PPP3CA: variants seen among roughly 807,000 people sequenced by gnomAD.
The protein encoded by PPP3CA is protein phosphatase 3 catalytic subunit alpha.
A neutral mutation model predicts 66.5 loss-of-function variants in PPP3CA; 14 were observed. The observed-to-expected ratio is 0.21, with a 90% CI of 0.14 to 0.33. The LOEUF is 0.33. PPP3CA is among the 10% of genes least tolerant of loss of function. The pLI is 1.00. For synonymous variants in PPP3CA, 232 were observed against 226.2 expected (o/e 1.03, Z -0.23); for missense variants, 317 against 639.5 (o/e 0.50, Z 5.44).
intron 1 of PPP3CA, among the ~76,000 whole-genome samples, chr4:101,212,062 A>C (rs1725314637): frequency 6.6e-6 from 1 of 152,170 alleles, no homozygotes; most frequent in Non-Finnish European, 1.5e-5. Context: ...GTGAAGTATG[A>C]ATTCAAATTT....
intron 3 of PPP3CA, among the ~76,000 whole-genome samples, chr4:101,103,525 C>G (rs1417924910): frequency 6.6e-6 from 1 of 152,226 alleles, no homozygotes; most frequent in Non-Finnish European, 1.5e-5. Flanking sequence ...TGGCATTACT[C>G]TGTCACCTAA....
At chr4:101,257,330 C>CT (rs11314056) in intron 1 of PPP3CA, among the ~76,000 whole-genome samples, 1,424 of 138,566 alleles carry the variant, frequency 0.01, 10 homozygotes, top group African/African-American at 0.021. Context: ...ATGTATGAGA[C>CT]TTTTTTTTTT....
At chr4:101,324,158 A>G (rs111513804) in intron 1 of PPP3CA, among the ~76,000 whole-genome samples, 2,204 of 50,994 alleles carry the variant, frequency 0.043, 117 homozygotes, top group African/African-American at 0.12. Context: ...GGGAGGGAGG[A>G]AGGAAGGAAG....
At chr4:101,240,352 T>C (rs1246295206) in intron 1 of PPP3CA, among the ~76,000 whole-genome samples, 1 of 152,128 alleles carries the variant, frequency 6.6e-6, no homozygotes, top group Non-Finnish European at 1.5e-5. Context: ...CTCTTTGCAA[T>C]GAATAAATTT....
intron 1 of PPP3CA, among the ~76,000 whole-genome samples, chr4:101,207,137 T>A (rs796121311): frequency 2.6e-5 from 4 of 152,338 alleles, no homozygotes; most frequent in African/African-American, 9.6e-5. Flanking sequence ...TTATTTATGA[T>A]GCAAAATTAT....
At chr4:101,321,212 C>T (rs547140118) in intron 1 of PPP3CA, among the ~76,000 whole-genome samples, 1 of 152,210 alleles carries the variant, frequency 6.6e-6, no homozygotes, top group Non-Finnish European at 1.5e-5. Context: ...TAAACAAACT[C>T]AAGGATAGAT....
intron 1 of PPP3CA, among the ~76,000 whole-genome samples, chr4:101,217,642 T>C (rs1386574653): frequency 6.6e-6 from 1 of 152,164 alleles, no homozygotes; most frequent in Non-Finnish European, 1.5e-5. Flanking sequence ...GACAGTAATC[T>C]TCAAATCGCT....
At chr4:101,164,583 C>T (rs1810024) in intron 2 of PPP3CA, among the ~76,000 whole-genome samples, 67,011 of 126,094 alleles carry the variant, frequency 0.53, 17,858 homozygotes, top group Middle Eastern at 0.65. Context: ...TTTTTAGGGT[C>T]CTGGCTCTAT....
intron 1 of PPP3CA, among the ~76,000 whole-genome samples, chr4:101,226,725 C>A (rs778203777): frequency 1.3e-4 from 20 of 151,484 alleles, no homozygotes; most frequent in Non-Finnish European, 2.7e-4. Flanking sequence ...TCATATGAAG[C>A]CTAAGACTTC....
chr4:101,190,531 T>G (rs1724564745), intron 2 of PPP3CA, among the ~76,000 whole-genome samples: 1 of 152,200 alleles, frequency 6.6e-6, no homozygotes, highest in Admixed American at 6.5e-5. Flanking sequence ...GTATTACTGA[T>G]TCGTACACAC....
chr4:101,220,384 C>G lies in PPP3CA; in HGVS notation c.59-24268G>C, dbSNP rs144909674. 9.0e-3 allele frequency among the ~76,000 whole-genome samples: 1,354 copies of G among 150,826 alleles called. 19 individuals carry two copies. Among genetic ancestry groups the G allele is most frequent in the African/African-American group, 0.031 (1,294 of 41,182 alleles). ...AAAAAATTAACCTGTTCCTTTTTTACCAAAACCATTTTTAGTTCTATTTGA... is the reference window on the plus strand; with the variant it reads ...AAAAAATTAACCTGTTCCTTTTTTAGCAAAACCATTTTTAGTTCTATTTGA... On this transcript the variant is annotated intron_variant, in intron 1 of 13. Transcript: ENST00000394854.
chr4:101,153,871 G>A (rs1482506105), intron 2 of PPP3CA, among the ~76,000 whole-genome samples: 1 of 151,920 alleles, frequency 6.6e-6, no homozygotes, highest in Non-Finnish European at 1.5e-5. Context: ...TACTATCACA[G>A]TTCATTTTTA....
intron 6 of PPP3CA, among the ~76,000 whole-genome samples, chr4:101,086,239 T>C (rs538287433): frequency 6.6e-6 from 1 of 152,240 alleles, no homozygotes; most frequent in Admixed American, 6.5e-5. Context: ...TGTTATATAT[T>C]AAAGAGAATG....
chr4:101,248,926 C>A (rs1203112700), intron 1 of PPP3CA, among the ~76,000 whole-genome samples: 1 of 151,072 alleles, frequency 6.6e-6, no homozygotes, highest in Non-Finnish European at 1.5e-5. Flanking sequence ...TTTGGGAGGC[C>A]GAGGCGGGTG....
At chr4:101,257,348 G>A (rs535303159) in intron 1 of PPP3CA, among the ~76,000 whole-genome samples, 11 of 144,154 alleles carry the variant, frequency 7.6e-5, no homozygotes, top group African/African-American at 2.8e-4. Flanking sequence ...TTTTTTTTCA[G>A]AATTCCACAT....
At chr4:101,242,042 CT>C (rs1726327640) in intron 1 of PPP3CA, among the ~76,000 whole-genome samples, 1 of 152,112 alleles carries the variant, frequency 6.6e-6, no homozygotes, top group Admixed American at 6.6e-5. Flanking sequence ...CTGTTTCACT[CT>C]TCTGCCTTCA....
chr4:101,081,118 TAAG>T (rs1729422042), intron 7 of PPP3CA, among the ~76,000 whole-genome samples: 1 of 152,136 alleles, frequency 6.6e-6, no homozygotes, highest in African/African-American at 2.4e-5. Flanking sequence ...TAAGTGATTT[TAAG>T]AAGAATGTCC....
chr4:101,300,045 A>G (rs1049745295), intron 1 of PPP3CA, among the ~76,000 whole-genome samples: 3 of 152,218 alleles, frequency 2.0e-5, no homozygotes, highest in African/African-American at 7.2e-5. Flanking sequence ...TCCCAGAAAC[A>G]TAGTCTACTA....
chr4:101,117,507 A>T (rs1437331698), intron 2 of PPP3CA, among the ~76,000 whole-genome samples: 11 of 151,664 alleles, frequency 7.3e-5, no homozygotes. Flanking sequence ...TTGAATAAGG[A>T]ATGCATTTTT....
Sources: gnomAD v4.1 joint callset for allele counts (sites outside exome capture counted in the v4.1 genomes callset) on GRCh38, gnomAD v4.1.1 for gene constraint, MANE v1.5 for transcripts, NCBI Gene and HGNC (gene_info 2026-07-23, HGNC 2026-07-21) for gene names.